Variants in GALNT8 observed in about 807,000 individuals in gnomAD.
The protein encoded by GALNT8 is probable polypeptide N-acetylgalactosaminyltransferase 8.
A neutral mutation model predicts 62.7 loss-of-function variants in GALNT8; 66 were observed. The ratio of observed to expected loss-of-function variants is 1.05; its 90% CI spans 0.86 to 1.29. The LOEUF (loss-of-function observed/expected upper bound fraction) is 1.29. Among genes scored for constraint, GALNT8 ranks in the 50% most tolerant of loss-of-function variants. The pLI, the probability that GALNT8 is intolerant of heterozygous loss-of-function variation, is 0.00. For missense variants in GALNT8, 771 were observed against 791.8 expected (o/e 0.97, Z 0.32); for synonymous variants, 288 against 294.3 (o/e 0.98, Z 0.22).
chr12:4,762,436 C>T (rs938555185), intron 7 of GALNT8, among the ~76,000 whole-genome samples: 2 of 152,180 alleles, frequency 1.3e-5, no homozygotes, highest in African/African-American at 4.8e-5. Context: ...CCACAAATAT[C>T]ACTTCTAAAA....
chr12:4,732,924 C>A (rs1439992425), intron 2 of GALNT8, among the ~76,000 whole-genome samples: 1 of 3,848 alleles, frequency 2.6e-4, no homozygotes. Context: ...TTCTGCTGCA[C>A]CGTTCAGTAT....
intron 2 of GALNT8, among the ~76,000 whole-genome samples, chr12:4,728,635 G>T (rs1946206946): frequency 6.6e-6 from 1 of 152,062 alleles, no homozygotes. Context: ...ACATCAGATT[G>T]TCCTGCCACC....
chr12:4,724,687 TC>T (rs1251568961), intron 1 of GALNT8, among the ~76,000 whole-genome samples: 1 of 152,236 alleles, frequency 6.6e-6, no homozygotes, highest in African/African-American at 2.4e-5. Context: ...CACATGAGCC[TC>T]CTTTGAGAGA....
At chr12:4,737,755 A>G (rs1348169495) in intron 2 of GALNT8, among the ~76,000 whole-genome samples, 1 of 152,172 alleles carries the variant, frequency 6.6e-6, no homozygotes, top group African/African-American at 2.4e-5. Context: ...TTAGCACGTC[A>G]TTATCATGAG....
chr12:4,739,619 G>GTGTACCTCCAAATCTACC (rs1946262303), intron 3 of GALNT8, among the ~76,000 whole-genome samples: 3 of 151,470 alleles, frequency 2.0e-5, no homozygotes, highest in Non-Finnish European at 4.4e-5. Flanking sequence ...GGCCAGGAGC[G>GTGTACCTCCAAATCTACC]TGTACCTCCA....
At chr12:4,752,766 A>C (rs1338532392) in intron 6 of GALNT8, among the ~76,000 whole-genome samples, 3 of 152,140 alleles carry the variant, frequency 2.0e-5, no homozygotes, top group Admixed American at 6.5e-5. Context: ...ATCACCAGTG[A>C]ATTTTATCCC....
In GALNT8 at chr12:4,739,196, A is replaced by G. The variant is rs765100388; in HGVS notation, c.543A>G (p.Pro181=). 3 of 1,612,706 alleles carry G rather than the reference A, an allele frequency of 1.9e-6. No individual in the cohort carries two copies. Among genetic ancestry groups the G allele is most frequent in the East Asian group, 4.5e-5 (2 of 44,884 alleles). The change falls in exon 3 of 11, where the codon CCA becomes CCG. Residue 181 remains proline (P), a synonymous_variant. Transcript: ENST00000252318. ...CLRKTYPSQL[P]SLSVILIFVN... ...GGAAGACATATCCTTCCCAACTCCC[A>G]TCCCTCAGTGTCATTCTCATATTCG... is the stretch of plus-strand genomic sequence containing the variant.
chr12:4,763,071 A>G lies in GALNT8; in HGVS notation c.1360-182A>G, dbSNP rs912664607. ...TGCTGGGATTGGCCAAGACCCAGCT[A>G]TTGTTACAGGTGCATAGTCCTAAGT... On this transcript the variant is annotated intron_variant, in intron 7 of 10. Transcript: ENST00000252318. 5.3e-5 allele frequency among the ~76,000 whole-genome samples: 8 copies of G among 152,312 alleles called. No individual in the cohort carries two copies. The East Asian group carries it at 1.2e-3, about 22-fold the overall frequency.
intron 3 of GALNT8, among the ~76,000 whole-genome samples, chr12:4,743,511 G>A (rs1409057854): frequency 6.6e-6 from 1 of 152,184 alleles, no homozygotes; most frequent in Non-Finnish European, 1.5e-5. Flanking sequence ...TTTGAGAGAG[G>A]AACTGGCAAG....
chr12:4,761,192 G>C, intron 7 of GALNT8, 49 bp downstream of exon 7: 34 of 1,534,030 alleles, frequency 2.2e-5, no homozygotes, highest in Non-Finnish European at 2.9e-5. Context: ...AGAGGAGGAG[G>C]TGGCGGTTAT....
rs543006278 is a variant in GALNT8 at position 4,760,594 on chromosome 12, A to G, written c.1174-364A>G. Among the ~76,000 whole-genome samples, 250 of 152,320 alleles carry G rather than the reference A, an allele frequency of 1.6e-3. 2 individuals carry two copies. The highest frequency in any genetic ancestry group is 5.4e-3 in the African/African-American group (223 of 41,578). On this transcript the variant is annotated intron_variant, in intron 6 of 10. Transcript: ENST00000252318. Reference sequence around the variant, plus strand: ...ATTGCCCTTTGTCTAGCATGCAGGCAGAGAAGGGGCATGAGGAACTTAGTG... The same window carrying G: ...ATTGCCCTTTGTCTAGCATGCAGGCGGAGAAGGGGCATGAGGAACTTAGTG...
At chr12:4,771,328 A>G (rs1946423356) in intron 10 of GALNT8, among the ~76,000 whole-genome samples, 1 of 152,134 alleles carries the variant, frequency 6.6e-6, no homozygotes, top group South Asian at 2.1e-4. Context: ...GAAGTTCCAG[A>G]ATCTGAAGCG....
In GALNT8 at chr12:4,745,508, A is replaced by G. The variant is rs1351630437; in HGVS notation, c.940A>G (p.Thr314Ala). ...SPVFDNIRFD[T>A]FKLDKYELAV... The stretch of plus-strand genomic sequence containing the variant: ...TGTGTTTGACAACATTCGTTTTGAC[A>G]CCTTCAAACTGGATAAGTATGAACT... Residue 314 changes from threonine (T) to alanine (A), a missense_variant, in exon 5 of 11, where the codon ACC becomes GCC. Physicochemically the swap from Thr to Ala is moderately conservative, Grantham distance 58 (BLOSUM62 0). Transcript: ENST00000252318. 1.9e-6 allele frequency: 3 copies of G among 1,612,272 alleles called. No individual in the cohort carries two copies. Among genetic ancestry groups the G allele is most frequent in the Admixed American group, 1.7e-5 (1 of 60,024 alleles).
At chr12:4,729,215 C>T (rs1356405553) in intron 2 of GALNT8, among the ~76,000 whole-genome samples, 2 of 152,092 alleles carry the variant, frequency 1.3e-5, no homozygotes, top group Non-Finnish European at 2.9e-5. Context: ...GTATACACAT[C>T]GTGGAATGGC....
chr12:4,772,703 T>A lies in GALNT8; in HGVS notation c.*106T>A. Reference sequence around the variant, plus strand: ...CAATGAGAAAGAAAGCATGTGTATGTCTGTTTATGGCGACTTCAGGTGGGG... The same window carrying A: ...CAATGAGAAAGAAAGCATGTGTATGACTGTTTATGGCGACTTCAGGTGGGG... On this transcript the variant is annotated 3_prime_UTR_variant, in exon 11 of 11. Transcript: ENST00000252318. 1 of 908,444 alleles carries A rather than the reference T, an allele frequency of 1.1e-6. No homozygotes were observed. The highest frequency in any genetic ancestry group is 1.7e-6 in the Non-Finnish European group (1 of 589,552). 56.3% of individuals were successfully genotyped at this position (908,444 alleles called of 1,614,324 possible).
Position 4,720,904 on chromosome 12 carries a change from T to A in GALNT8, c.211+16T>A, listed in dbSNP as rs1271247745. 6 of 1,479,822 alleles carry A rather than the reference T, an allele frequency of 4.1e-6. No individual in the cohort carries two copies. The highest frequency in any genetic ancestry group is 5.7e-6 in the Non-Finnish European group (6 of 1,057,822). 91.7% of individuals were successfully genotyped at this position (1,479,822 alleles called of 1,614,324 possible). A position where few individuals can be genotyped will look rare whatever the true frequency, so the allele number is the denominator to read the frequency against. ...CAGGATCTGAGTAAGTTTACAATGC[T>A]AACCTGGAAGGTGTGTGTGTGGGTG... On this transcript the variant is annotated intron_variant, in intron 1 of 10. Coordinates refer to ENST00000252318, the MANE Select transcript of GALNT8 (RefSeq NM_017417.2).
chr12:4,763,119 C>T, intron 7 of GALNT8, 134 bp from the exon 8 acceptor site: 2 of 686,250 alleles, frequency 2.9e-6, no homozygotes, highest in Non-Finnish European at 5.1e-6. Context: ...CTTGTCTATC[C>T]ATTAAGTTGG....
At chr12:4,759,724 G>C (rs1327729496) in intron 6 of GALNT8, among the ~76,000 whole-genome samples, 1 of 152,082 alleles carries the variant, frequency 6.6e-6, no homozygotes, top group African/African-American at 2.4e-5. Context: ...GCTACACACT[G>C]TTATCTCAGG....
At chr12:4,727,351 T>C (rs2137518842) in intron 2 of GALNT8, among the ~76,000 whole-genome samples, 1 of 152,296 alleles carries the variant, frequency 6.6e-6, no homozygotes, top group South Asian at 2.1e-4. Context: ...TAGAAACAGC[T>C]TTGTTGAGAT....
Sources: allele counts gnomAD v4.1 joint callset (sites outside exome capture counted in the v4.1 genomes callset), GRCh38; gene constraint gnomAD v4.1.1; transcripts MANE v1.5; gene names NCBI Gene and HGNC (gene_info 2026-07-23, HGNC 2026-07-21).